ZNF157: variants seen among roughly 807,000 people sequenced by gnomAD.
ZNF157 encodes the protein zinc finger protein 157, also known as zinc finger protein 22.
Under a neutral mutation model 9.4 loss-of-function variants are expected in ZNF157, and 8 were observed. The ratio of observed to expected loss-of-function variants is 0.85; its 90% CI spans 0.50 to 1.53. The LOEUF is 1.53. Ranked by LOEUF, ZNF157 falls within the 40% of genes most tolerant of loss-of-function variation. ZNF157 has a pLI of 0.00. For synonymous variants in ZNF157, 120 were observed against 130.8 expected (o/e 0.92, Z 0.56); for missense variants, 316 against 385.2 (o/e 0.82, Z 1.50).
intron 1 of ZNF157, among the ~76,000 whole-genome samples, chrX:47,406,476 C>A (rs9698239): frequency 0.037 from 4,108 of 110,777 alleles, 191 homozygotes; most frequent in African/African-American, 0.12. Flanking sequence ...CCGGTTGAAG[C>A]GATTCTCCTG....
intron 1 of ZNF157, among the ~76,000 whole-genome samples, chrX:47,394,065 C>A (rs1447784429): frequency 9.2e-6 from 1 of 108,568 alleles, no homozygotes; most frequent in African/African-American, 3.4e-5. Flanking sequence ...CAGGTTCACA[C>A]CATTCTCCGC....
At chrX:47,412,022 G>A (rs146609567) in intron 3 of ZNF157, among the ~76,000 whole-genome samples, 7,989 of 111,360 alleles carry the variant, frequency 0.072, 706 homozygotes, top group African/African-American at 0.25. Context: ...ACAGTGGTGC[G>A]ATCTCAGCTC....
intron 1 of ZNF157, among the ~76,000 whole-genome samples, chrX:47,402,547 T>A (rs961557351): frequency 5.6e-5 from 6 of 107,095 alleles, no homozygotes; most frequent in African/African-American, 2.0e-4. Context: ...TTTAATTTTT[T>A]TTTTTTTTTG....
chrX:47,384,633 C>T (rs767886032), intron 1 of ZNF157, among the ~76,000 whole-genome samples: 1 of 112,201 alleles, frequency 8.9e-6, no homozygotes, highest in African/African-American at 3.2e-5. Flanking sequence ...CCTGGGGTGC[C>T]GCACAGACAG....
chrX:47,389,782 T>A (rs780670830), intron 1 of ZNF157, among the ~76,000 whole-genome samples: 1 of 111,547 alleles, frequency 9.0e-6, no homozygotes, highest in African/African-American at 3.2e-5. Context: ...ATGCCTGTAG[T>A]ACCAGCTACT....
At chrX:47,403,741 C>G (rs779976948) in intron 1 of ZNF157, among the ~76,000 whole-genome samples, 1 of 112,205 alleles carries the variant, frequency 8.9e-6, no homozygotes, top group Admixed American at 9.5e-5. Context: ...TGAGATGATA[C>G]AGAGTTTAGA....
chrX:47,400,829 ATATTTTTTG>A (rs1031903147), intron 1 of ZNF157, among the ~76,000 whole-genome samples: 6 of 110,649 alleles, frequency 5.4e-5, no homozygotes, highest in Non-Finnish European at 1.1e-4. Context: ...CTAATTTTTT[ATATTTTTTG>A]TAGAGATGGG....
intron 1 of ZNF157, among the ~76,000 whole-genome samples, chrX:47,402,225 G>C (rs1288290058): frequency 3.6e-5 from 4 of 111,414 alleles, no homozygotes; most frequent in Non-Finnish European, 7.5e-5. Flanking sequence ...TGTAACATAT[G>C]TATCTTAAGG....
At chrX:47,385,703 G>A (rs920652384) in intron 1 of ZNF157, among the ~76,000 whole-genome samples, 1 of 109,774 alleles carries the variant, frequency 9.1e-6, no homozygotes, top group African/African-American at 3.3e-5. Context: ...GAGTAGCTGG[G>A]ATTACAGGTG....
intron 1 of ZNF157, among the ~76,000 whole-genome samples, chrX:47,400,747 C>T (rs1224415366): frequency 2.7e-5 from 3 of 111,732 alleles, no homozygotes; most frequent in Non-Finnish European, 5.6e-5. Flanking sequence ...CCTCGACCTC[C>T]TAGGCTCAGG....
Position 47,412,415 on chromosome X carries a change from C to T in ZNF157, c.342C>T (p.Ala114=). The T allele has an allele frequency of 1.7e-6, 2 of 1,210,225 alleles. No homozygotes were observed. The highest frequency in any genetic ancestry group is 1.8e-5 in the South Asian group (1 of 56,857). Residue 114 remains alanine, a synonymous_variant, in exon 4 of 4, where the codon GCC becomes GCT. Transcript: ENST00000377073. ...GCAATGGTTCTGTTGGGGATAATGC[C>T]CTCAGGCATGATAATGACCTTCTTC... ...LCGNGSVGDN[A]LRHDNDLLHH...
At chrX:47,385,683 T>C (rs1341645949) in intron 1 of ZNF157, among the ~76,000 whole-genome samples, 1 of 109,404 alleles carries the variant, frequency 9.1e-6, no homozygotes, top group East Asian at 2.9e-4. Flanking sequence ...TTCTCCTGCT[T>C]CAGCCTCCTG....
At chrX:47,373,694 C>T (rs1171655183) in intron 1 of ZNF157, among the ~76,000 whole-genome samples, 1 of 106,054 alleles carries the variant, frequency 9.4e-6, no homozygotes, top group African/African-American at 3.5e-5. Flanking sequence ...TAGGACTCCA[C>T]ATTTCCCTGA....
intron 1 of ZNF157, among the ~76,000 whole-genome samples, chrX:47,397,950 T>C (rs1306662632): frequency 9.0e-6 from 1 of 110,934 alleles, no homozygotes; most frequent in Non-Finnish European, 1.9e-5. Flanking sequence ...AAAATTTTGC[T>C]AGTAGGTTAC....
chrX:47,375,395 A>C (rs1602757925), intron 1 of ZNF157, among the ~76,000 whole-genome samples: 1 of 106,417 alleles, frequency 9.4e-6, no homozygotes, highest in African/African-American at 3.4e-5. Context: ...CACCTCCTCA[A>C]CCCCCCCCAC....
intron 1 of ZNF157, among the ~76,000 whole-genome samples, chrX:47,391,892 A>ATT (rs57626522): frequency 3.3e-5 from 3 of 92,154 alleles, no homozygotes; most frequent in African/African-American, 1.2e-4. Flanking sequence ...ACCTGTATTG[A>ATT]TTTTTTTTTT....
At chrX:47,384,372 A>C (rs1324631812) in intron 1 of ZNF157, among the ~76,000 whole-genome samples, 2 of 112,289 alleles carry the variant, frequency 1.8e-5, no homozygotes, top group African/African-American at 6.5e-5. Context: ...CCTGTTGATG[A>C]AATCCCAATG....
chrX:47,375,063 C>T (rs1275281087), intron 1 of ZNF157, among the ~76,000 whole-genome samples: 1 of 81,809 alleles, frequency 1.2e-5, no homozygotes, highest in African/African-American at 4.8e-5. Context: ...GTCACCCAGG[C>T]TGGAGTGCAG....
At chrX:47,400,374 C>A (rs1189705492) in intron 1 of ZNF157, among the ~76,000 whole-genome samples, 4 of 110,223 alleles carry the variant, frequency 3.6e-5, no homozygotes, top group Non-Finnish European at 7.6e-5. Context: ...TGCCAAGGCT[C>A]GTCTCAAACT....
Sources: allele counts gnomAD v4.1 joint callset (sites outside exome capture counted in the v4.1 genomes callset), GRCh38; gene constraint gnomAD v4.1.1; transcripts MANE v1.5; gene names NCBI Gene and HGNC (gene_info 2026-07-23, HGNC 2026-07-21).